The following LIN28B variants were observed in gnomAD, a reference collection of about 807,000 sequenced individuals.
LIN28B encodes the protein lin-28 RNA binding posttranscriptional regulator B, also known as protein lin-28 homolog B.
In LIN28B, 5 loss-of-function variants were observed where a neutral mutation model predicts 21.9. That is an observed-to-expected ratio of 0.23 (90% CI 0.12 to 0.48). The LOEUF is 0.48. Ranked by LOEUF, LIN28B falls within the 20% of genes least tolerant of loss-of-function variation. LIN28B has a pLI of 0.98. For missense variants in LIN28B, 245 were observed against 310.5 expected, an observed-to-expected ratio of 0.79 and a Z score of 1.58; for synonymous variants, 109 against 111.3, an observed-to-expected ratio of 0.98 and a Z score of 0.13.
chr6:105,029,461 G>A (rs1771371810), intron 3 of LIN28B, among the ~76,000 whole-genome samples: 1 of 152,132 alleles, frequency 6.6e-6, no homozygotes, highest in African/African-American at 2.4e-5. Context: ...GTAGCTTATG[G>A]GCACAGATGC....
At chr6:105,034,046 A>G (rs987087367) in intron 3 of LIN28B, among the ~76,000 whole-genome samples, 4 of 151,874 alleles carry the variant, frequency 2.6e-5, no homozygotes, top group Non-Finnish European at 4.4e-5. Flanking sequence ...TTACTCCTTA[A>G]TACTTGGTGA....
In LIN28B at chr6:104,945,872, A is replaced by T. The variant is rs191667125; in HGVS notation, c.19-4589A>T. On this transcript the variant is annotated intron_variant, in intron 2 of 5. Coordinates refer to the LIN28B transcript ENST00000635857. ...TTTGAAAATATGCCAGTCATCTTAA[A>T]TTATTACTCATTTGTTTTTATTTTC... Among the ~76,000 whole-genome samples, 949 of 152,192 alleles carry T rather than the reference A, an allele frequency of 6.2e-3. 7 individuals are homozygous for T. Among genetic ancestry groups the T allele is most frequent in the Non-Finnish European group, 0.01 (682 of 67,922 alleles).
intron 2 of LIN28B, among the ~76,000 whole-genome samples, chr6:104,976,207 A>C (rs1770090886): frequency 6.6e-6 from 1 of 152,192 alleles, no homozygotes; most frequent in South Asian, 2.1e-4. Flanking sequence ...GAGCTTAAAG[A>C]CTAGTTAAGG....
intron 2 of LIN28B, among the ~76,000 whole-genome samples, chr6:105,018,920 C>T (rs1159355151): frequency 2.0e-5 from 3 of 151,756 alleles, no homozygotes; most frequent in African/African-American, 4.8e-5. Flanking sequence ...TTTGTTCTCT[C>T]ATTTATCTTG....
chr6:105,074,433 C>G (rs1772387000), intron 3 of LIN28B, among the ~76,000 whole-genome samples: 1 of 152,234 alleles, frequency 6.6e-6, no homozygotes, highest in African/African-American at 2.4e-5. Flanking sequence ...CTCCTGACCT[C>G]GTGATCTGCC....
At chr6:105,050,354 G>A (rs1473130550) in intron 3 of LIN28B, among the ~76,000 whole-genome samples, 2 of 152,202 alleles carry the variant, frequency 1.3e-5, no homozygotes, top group East Asian at 3.9e-4. Flanking sequence ...TGTAATCCCA[G>A]CACTTTGGGA....
chr6:104,974,070 A>C (rs994788590), intron 2 of LIN28B, among the ~76,000 whole-genome samples: 3 of 152,242 alleles, frequency 2.0e-5, no homozygotes, highest in Non-Finnish European at 4.4e-5. Flanking sequence ...TTAAAACCAC[A>C]GACTGACTCA....
chr6:105,042,577 A>G (rs1427903323), intron 3 of LIN28B, among the ~76,000 whole-genome samples: 1 of 151,182 alleles, frequency 6.6e-6, no homozygotes, highest in African/African-American at 2.4e-5. Context: ...TATTTTGAAC[A>G]TTAATTGAGG....
chr6:104,997,479 A>G (rs1452812986), intron 2 of LIN28B, among the ~76,000 whole-genome samples: 4 of 151,956 alleles, frequency 2.6e-5, no homozygotes, highest in Non-Finnish European at 4.4e-5. Flanking sequence ...ATTGAACTGT[A>G]TCTATATGTA....
chr6:104,954,555 A>G (rs1778260842), upstream of LIN28B, among the ~76,000 whole-genome samples: 1 of 151,556 alleles, frequency 6.6e-6, no homozygotes, highest in South Asian at 2.1e-4. Context: ...CCCTCCCCCA[A>G]GGTATGTAAA....
chr6:105,013,893 G>A (rs924512028), intron 2 of LIN28B, among the ~76,000 whole-genome samples: 1 of 152,026 alleles, frequency 6.6e-6, no homozygotes, highest in Non-Finnish European at 1.5e-5. Flanking sequence ...ATGTCTGTGG[G>A]ATTGGTGGTG....
At chr6:105,052,784 C>T (rs952190332) in intron 3 of LIN28B, among the ~76,000 whole-genome samples, 1 of 152,046 alleles carries the variant, frequency 6.6e-6, no homozygotes. Flanking sequence ...TCTCTTGTTT[C>T]TTGATCATTC....
chr6:105,033,695 TAAA>T (rs1247823308), intron 3 of LIN28B, among the ~76,000 whole-genome samples: 1 of 151,774 alleles, frequency 6.6e-6, no homozygotes. Context: ...GCTGTCTTTA[TAAA>T]AAAGTGAAGA....
intron 3 of LIN28B, among the ~76,000 whole-genome samples, chr6:105,032,962 A>G (rs147945584): frequency 6.6e-6 from 1 of 152,062 alleles, no homozygotes; most frequent in East Asian, 1.9e-4. Context: ...CAGATACATG[A>G]TTTGTAGATA....
chr6:105,067,097 G>A (rs185340556), intron 3 of LIN28B, among the ~76,000 whole-genome samples: 1 of 152,266 alleles, frequency 6.6e-6, no homozygotes, highest in Admixed American at 6.5e-5. Context: ...CGGCAAGGCT[G>A]CTCTAATAAA....
At chr6:104,974,670 C>T (rs1461423702) in intron 2 of LIN28B, among the ~76,000 whole-genome samples, 2 of 151,686 alleles carry the variant, frequency 1.3e-5, no homozygotes, top group Non-Finnish European at 2.9e-5. Context: ...GAATTTAAGT[C>T]TCTTATACTT....
chr6:105,046,961 G>A (rs1294549304), intron 3 of LIN28B, among the ~76,000 whole-genome samples: 12 of 152,036 alleles, frequency 7.9e-5, no homozygotes, highest in African/African-American at 2.4e-4. Context: ...CTCCCATTCC[G>A]TAGGTTGCCT....
chr6:105,006,458 C>T (rs1401148473), intron 2 of LIN28B, among the ~76,000 whole-genome samples: 2 of 152,076 alleles, frequency 1.3e-5, no homozygotes, highest in Non-Finnish European at 2.9e-5. Context: ...ACTACAGGCA[C>T]CCGCCACCAC....
chr6:105,031,894 T>G (rs1415448957), intron 3 of LIN28B, among the ~76,000 whole-genome samples: 1 of 152,106 alleles, frequency 6.6e-6, no homozygotes, highest in Non-Finnish European at 1.5e-5. Context: ...ATTCAGAAAG[T>G]TTATTACCCC....
Sources: allele counts gnomAD v4.1 joint callset (sites outside exome capture counted in the v4.1 genomes callset), GRCh38; gene constraint gnomAD v4.1.1; transcripts MANE v1.5; gene names NCBI Gene and HGNC (gene_info 2026-07-23, HGNC 2026-07-21).